Variants in CXCL12 observed in about 807,000 individuals in gnomAD.
The protein encoded by CXCL12 is C-X-C motif chemokine ligand 12.
Under a neutral mutation model 10.7 loss-of-function variants are expected in CXCL12, and 4 were observed. That is an observed-to-expected ratio of 0.37 (90% CI 0.18 to 0.86). The LOEUF (loss-of-function observed/expected upper bound fraction) is 0.86. Among genes scored for constraint, CXCL12 ranks in the 40% least tolerant of loss-of-function variants. The probability of loss-of-function intolerance (pLI) is 0.43; values close to 1 mark genes in which losing one functional copy is unlikely to be tolerated. For synonymous variants in CXCL12, 54 were observed against 45.4 expected, an observed-to-expected ratio of 1.19 and a Z score of -0.77; for missense variants, 122 against 110.4, an observed-to-expected ratio of 1.10 and a Z score of -0.47.
rs1446828567 is a variant in CXCL12 at position 44,378,117 on chromosome 10, T to A, written c.*516A>T. 5.2e-5 allele frequency: 75 copies of A among 1,444,810 alleles called. 1 individual carries two copies. The highest frequency in any genetic ancestry group is 6.4e-5 in the Non-Finnish European group (71 of 1,105,432). 89.5% of individuals were successfully genotyped at this position (1,444,810 alleles called of 1,614,324 possible). ...TATCTGAGTGCCACAGAGGCCTTCC[T>A]CTTGGGAGGGGCGCTGCTGCGGGAG... On this transcript the variant is annotated 3_prime_UTR_variant, in exon 3 of 3. Transcript: ENST00000343575.
chr10:44,376,823 T>G (rs1023605459), downstream of CXCL12, among the ~76,000 whole-genome samples: 17 of 151,242 alleles, frequency 1.1e-4, no homozygotes, highest in African/African-American at 4.1e-4. Context: ...ATGGGGAAGT[T>G]AGGAGAACCA....
downstream of CXCL12, chr10:44,373,450 T>A: frequency 1.0e-6 from 1 of 983,402 alleles, no homozygotes; most frequent in Non-Finnish European, 1.6e-6. Flanking sequence ...CAATCCCTAC[T>A]TCCAAGTTGC....
downstream of CXCL12, chr10:44,372,741 T>C: frequency 7.0e-7 from 1 of 1,434,196 alleles, no homozygotes; most frequent in Non-Finnish European, 9.1e-7. Flanking sequence ...TGGGTCTCAC[T>C]CTGCCCTGGC....
In CXCL12 at chr10:44,378,073, G is replaced by A. The variant is rs192814062; in HGVS notation, c.*560C>T. ...TGAAAGAGGAGGTGAAGGCAGTGGC[G>A]GCGCCCAGCCCCAGTCGGTATCTGA... On this transcript the variant is annotated 3_prime_UTR_variant, in exon 3 of 3. Transcript: ENST00000343575. 4.8e-6 allele frequency: 7 copies of A among 1,459,986 alleles called. No individual in the cohort carries two copies. Among genetic ancestry groups the A allele is most frequent in the Admixed American group, 2.8e-5 (1 of 35,984 alleles). 90.4% of individuals were successfully genotyped at this position (1,459,986 alleles called of 1,614,324 possible).
Position 44,378,616 on chromosome 10 carries a change from C to T in CXCL12, c.*17G>A, listed in dbSNP as rs550431441. On this transcript the variant is annotated 3_prime_UTR_variant, in exon 3 of 3. Coordinates refer to ENST00000343575, the MANE Select transcript of CXCL12 (RefSeq NM_199168.4). ...CCTCGAGTGGGTCTAGCGGAAAGTC[C>T]TTTTTGGCTGTTGTGCTTACTTGTT... 1 of 1,614,086 alleles carries T rather than the reference C, an allele frequency of 6.2e-7. No individual in the cohort carries two copies. The highest frequency in any genetic ancestry group is 1.1e-5 in the South Asian group (1 of 91,064).
At chr10:44,373,045 G>T (rs974275554), downstream of CXCL12, 27 of 1,536,134 alleles carry the variant, frequency 1.8e-5, no homozygotes, top group African/African-American at 3.1e-4. Flanking sequence ...AGTCAGAGGA[G>T]TGGCTCCGTG....
At chr10:44,376,726 A>G (rs1330783782), downstream of CXCL12, among the ~76,000 whole-genome samples, 2 of 152,158 alleles carry the variant, frequency 1.3e-5, no homozygotes, top group Non-Finnish European at 2.9e-5. Context: ...TGAAAGCTTC[A>G]TATTAACCAT....
downstream of CXCL12, chr10:44,372,623 G>A: frequency 7.5e-7 from 1 of 1,334,654 alleles, no homozygotes; most frequent in African/African-American, 1.5e-5. Context: ...TTGGTCCTGA[G>A]AGTCCTTTTG....
chr10:44,384,247 G>A (rs1320360735), intron 1 of CXCL12, among the ~76,000 whole-genome samples: 1 of 152,140 alleles, frequency 6.6e-6, no homozygotes, highest in African/African-American at 2.4e-5. Flanking sequence ...AGGTGAACCC[G>A]AGAAGAGACA....
chr10:44,378,859 G>A lies in CXCL12; in HGVS notation c.180-136C>T, dbSNP rs185516781. On this transcript the variant is annotated intron_variant, in intron 2 of 2. Coordinates refer to ENST00000343575, the MANE Select transcript of CXCL12 (RefSeq NM_199168.4). ...CTCCACTTGGTACGCTCAGGCTCCA[G>A]AGGTGCTCGCGGTGTGCTGGGGAAA... is the stretch of plus-strand genomic sequence containing the variant. 3.5e-3 allele frequency: 2,931 copies of A among 838,536 alleles called. 19 individuals carry two copies. Among genetic ancestry groups the A allele is most frequent in the Non-Finnish European group, 3.6e-3 (1,822 of 510,842 alleles). The allele number at this position is 838,536 out of a possible 1,614,324, so 51.9% of individuals were successfully genotyped here.
intron 1 of CXCL12, among the ~76,000 whole-genome samples, chr10:44,383,646 A>T (rs1244689823): frequency 7.9e-6 from 1 of 126,962 alleles, no homozygotes; most frequent in Non-Finnish European, 1.6e-5. Flanking sequence ...ACACAGCCTC[A>T]GGGACTTTTC....
At chr10:44,383,622 G>A (rs969904033) in intron 1 of CXCL12, among the ~76,000 whole-genome samples, 1 of 124,666 alleles carries the variant, frequency 8.0e-6, no homozygotes, top group South Asian at 3.4e-4. Context: ...GGGGGGGGGG[G>A]GGTCAGTGTG....
At chr10:44,374,920 T>G (rs1839413696), downstream of CXCL12, among the ~76,000 whole-genome samples, 1 of 152,124 alleles carries the variant, frequency 6.6e-6, no homozygotes, top group Non-Finnish European at 1.5e-5. Flanking sequence ...TAGAGAAACT[T>G]GCCAAAAAAT....
At chr10:44,373,287 C>T (rs770033539), downstream of CXCL12, 4 of 1,597,698 alleles carry the variant, frequency 2.5e-6, no homozygotes, top group South Asian at 2.3e-5. Context: ...GGTTTCAGAG[C>T]TGGGCTCCTA....
At chr10:44,376,477 AG>A (rs1235165063), downstream of CXCL12, among the ~76,000 whole-genome samples, 2 of 152,152 alleles carry the variant, frequency 1.3e-5, no homozygotes, top group African/African-American at 4.8e-5. Flanking sequence ...AACGTTTTGG[AG>A]GCTGCAGGCC....
chr10:44,376,013 C>T, downstream of CXCL12: 2 of 1,613,770 alleles, frequency 1.2e-6, no homozygotes, highest in Non-Finnish European at 1.7e-6. Flanking sequence ...TTTTTCCCCA[C>T]TTTTTCTTCT....
At chr10:44,383,518 C>T (rs74427555) in intron 1 of CXCL12, among the ~76,000 whole-genome samples, 11,442 of 149,588 alleles carry the variant, frequency 0.076, 485 homozygotes, top group Non-Finnish European at 0.097. Context: ...GCGCTCATCC[C>T]ACCAATCAGT....
At chr10:44,375,808 A>C, downstream of CXCL12, 1 of 1,499,662 alleles carries the variant, frequency 6.7e-7, no homozygotes, top group Non-Finnish European at 8.9e-7. Flanking sequence ...CAGGGCAGCA[A>C]AGCACTGCTC....
chr10:44,380,895 GACA>G lies in CXCL12; in HGVS notation c.62-18_62-16del, dbSNP rs761879007. ...GACGGGCTTCCCTAGAAGAGGTAAG[GACA>G]ACAAGGCACTTTACTACCCTGCCAG... On this transcript the variant is annotated splice_polypyrimidine_tract_variant and intron_variant, in intron 1 of 2. Coordinates refer to ENST00000343575, the MANE Select transcript of CXCL12 (RefSeq NM_199168.4). 3.7e-6 allele frequency: 6 copies of G among 1,609,418 alleles called. No homozygotes were observed. In the South Asian group the frequency reaches 4.4e-5, roughly 12 times the overall value.
Sources: allele counts gnomAD v4.1 joint callset (sites outside exome capture counted in the v4.1 genomes callset), GRCh38; gene constraint gnomAD v4.1.1; transcripts MANE v1.5; gene names NCBI Gene and HGNC (gene_info 2026-07-23, HGNC 2026-07-21).